TEX10: variants seen among roughly 807,000 people sequenced by gnomAD.
TEX10 encodes the protein testis-expressed protein 10.
TEX10 carries 24 observed loss-of-function variants against 104.4 expected under a neutral mutation model. The observed-to-expected ratio is 0.23, with a 90% CI of 0.17 to 0.32. The LOEUF is 0.32. Ranked by LOEUF, TEX10 falls within the 10% of genes least tolerant of loss-of-function variation. TEX10 has a pLI of 1.00. For synonymous variants in TEX10, 396 were observed against 393.4 expected (o/e 1.01, Z -0.08); for missense variants, 921 against 1,083.9 (o/e 0.85, Z 2.11).
At chr9:100,319,134 G>A (rs565562282) in intron 11 of TEX10, among the ~76,000 whole-genome samples, 1 of 152,106 alleles carries the variant, frequency 6.6e-6, no homozygotes, top group Non-Finnish European at 1.5e-5. Flanking sequence ...GGAGGTTGCA[G>A]TGAGCCGAGA....
chr9:100,308,762 G>A (rs566026226), intron 12 of TEX10, 81 bp from the exon 13 acceptor site: 19 of 1,275,388 alleles, frequency 1.5e-5, no homozygotes, highest in South Asian at 1.4e-4. Context: ...GTTAATTCAC[G>A]ATTAACTTTA....
At chr9:100,336,868 T>C (rs1477022712) in intron 5 of TEX10, among the ~76,000 whole-genome samples, 1 of 152,178 alleles carries the variant, frequency 6.6e-6, no homozygotes, top group African/African-American at 2.4e-5. Context: ...GAGTAGCCTG[T>C]AGGCTCCCCA....
At chr9:100,328,772 T>C (rs1208443810) in intron 7 of TEX10, among the ~76,000 whole-genome samples, 2 of 152,310 alleles carry the variant, frequency 1.3e-5, no homozygotes, top group Non-Finnish European at 2.9e-5. Flanking sequence ...CTTTCTCATC[T>C]TCTATTGCCC....
intron 12 of TEX10, 102 bp downstream of exon 12, chr9:100,310,197 T>C: frequency 1.1e-6 from 1 of 914,254 alleles, no homozygotes; most frequent in East Asian, 2.6e-5. Context: ...ATATCATTAA[T>C]CTTAGAATTC....
intron 11 of TEX10, among the ~76,000 whole-genome samples, chr9:100,312,858 T>G (rs759055823): frequency 3.9e-5 from 6 of 152,112 alleles, no homozygotes; most frequent in Non-Finnish European, 7.4e-5. Context: ...CCAGGCACTA[T>G]GGGTAATAAA....
chr9:100,329,004 T>C, intron 7 of TEX10, 136 bp downstream of exon 7: 1 of 997,828 alleles, frequency 1.0e-6, no homozygotes, highest in Non-Finnish European at 1.4e-6. Flanking sequence ...TTTTATACCA[T>C]TTCTTAAATG....
Position 100,303,807 on chromosome 9 carries a change from G to C in TEX10, c.2501C>G (p.Ala834Gly). 6.2e-7 allele frequency: 1 copy of C among 1,614,082 alleles called. No individual in the cohort carries two copies. The highest frequency in any genetic ancestry group is 8.5e-7 in the Non-Finnish European group (1 of 1,180,026). The change falls in exon 14 of 15, where the codon GCT (alanine) becomes GGT (glycine). Residue 834 changes from alanine to glycine, a missense_variant. This residue lies in a region of TEX10 where 753 missense variants were observed against 868.4 expected (regional missense o/e 0.87). Transcript: ENST00000374902. ...CAACCTGAGGACTCGAGGCAAGAGA[G>C]CCAGGATGGAGACACAGACCCCCCA... ...KLWGVCVSIL[A>G]LLPRVLRLML... is the part of the protein sequence containing the mutation.
At chr9:100,338,283 A>G (rs914670683) in intron 5 of TEX10, among the ~76,000 whole-genome samples, 1 of 152,182 alleles carries the variant, frequency 6.6e-6, no homozygotes, top group Non-Finnish European at 1.5e-5. Flanking sequence ...TCCAGTTTGT[A>G]GTTTTTCTGA....
In TEX10 at chr9:100,347,342, T is replaced by G. The variant is rs1587745072; in HGVS notation, c.245A>C (p.Lys82Thr). 1.2e-6 allele frequency: 2 copies of G among 1,613,534 alleles called. No individual in the cohort carries two copies. The highest frequency in any genetic ancestry group is 1.7e-5 in the Admixed American group (1 of 59,892). ...AAATGGGTATTGAGACAAAAGGTCTTTAAGTCCAAGAAGAGCACTTTGTTT... is the reference window on the plus strand; with the variant it reads ...AAATGGGTATTGAGACAAAAGGTCTGTAAGTCCAAGAAGAGCACTTTGTTT... ...GVKQSALLGL[K>T]DLLSQYPFII... is the part of the protein sequence containing the mutation. Residue 82 changes from lysine (K) to threonine (T), a missense_variant, in exon 3 of 15, where the codon AAA becomes ACA. Lys to Thr is a moderately conservative substitution (Grantham distance 78, BLOSUM62 -1). This residue lies in a region of TEX10 where 118 missense variants were observed against 111.3 expected (regional missense o/e 1.06). Coordinates refer to ENST00000374902, the MANE Select transcript of TEX10 (RefSeq NM_017746.4).
chr9:100,331,507 A>G (rs758304294), intron 5 of TEX10, among the ~76,000 whole-genome samples: 5 of 152,234 alleles, frequency 3.3e-5, no homozygotes, highest in Non-Finnish European at 7.3e-5. Flanking sequence ...ATTTTAAAGG[A>G]AAAGATTAAT....
intron 11 of TEX10, among the ~76,000 whole-genome samples, chr9:100,319,039 A>T (rs1322068504): frequency 1.3e-5 from 2 of 152,130 alleles, no homozygotes; most frequent in African/African-American, 4.8e-5. Flanking sequence ...AAAATACAAA[A>T]AAATTAGCCA....
intron 1 of TEX10, 200 bp downstream of exon 1, chr9:100,352,572 C>A: frequency 2.0e-6 from 3 of 1,530,540 alleles, no homozygotes; most frequent in South Asian, 1.2e-5. Context: ...GCTCCGCAAA[C>A]GCCCTAGGGG....
chr9:100,343,359 A>G (rs916731113), intron 4 of TEX10, among the ~76,000 whole-genome samples: 9 of 151,482 alleles, frequency 5.9e-5, no homozygotes, highest in Admixed American at 2.0e-4. Flanking sequence ...GAAAGAAAGA[A>G]AAGAAAAATA....
rs1834003067 is a variant in TEX10 at position 100,302,287 on chromosome 9, A to ACTT, written c.2691_2693dup (p.Gly897_Ser898insArg). ...AGTCTGTGAGCCACTGTTCCTGAACACTTCCACTCTTCAATGTCTGGAGAG... is the reference window on the plus strand; with the variant it reads ...AGTCTGTGAGCCACTGTTCCTGAACACTTCTTCCACTCTTCAATGTCTGGAGAG... On this transcript the variant is annotated inframe_insertion, in exon 15 of 15. Coordinates refer to ENST00000374902, the MANE Select transcript of TEX10 (RefSeq NM_017746.4). The ACTT allele has an allele frequency of 6.2e-7, 1 of 1,612,746 alleles. No individual in the cohort carries two copies.
intron 1 of TEX10, among the ~76,000 whole-genome samples, chr9:100,350,511 T>C (rs1427346989): frequency 1.3e-5 from 2 of 152,220 alleles, no homozygotes; most frequent in African/African-American, 4.8e-5. Context: ...TAGCCTCTTC[T>C]ACCTGGAACC....
At chr9:100,340,606 G>A (rs944719300) in intron 4 of TEX10, among the ~76,000 whole-genome samples, 15 of 152,184 alleles carry the variant, frequency 9.9e-5, no homozygotes, top group Non-Finnish European at 1.6e-4. Flanking sequence ...TGCTGCTTAA[G>A]AGAGAAAAAG....
At chr9:100,310,681 A>T (rs529874817) in intron 11 of TEX10, among the ~76,000 whole-genome samples, 1 of 152,164 alleles carries the variant, frequency 6.6e-6, no homozygotes, top group South Asian at 2.1e-4. Flanking sequence ...CAAGCAACCC[A>T]CCTACCTCAA....
chr9:100,326,401 C>G lies in TEX10; in HGVS notation c.1880G>C (p.Ser627Thr), dbSNP rs953514358. The change falls in exon 9 of 15, where the codon AGT becomes ACT. Residue 627 changes from serine to threonine, a missense_variant. Transcript: ENST00000374902. ...RLVQLVYFLP[S>T]LPADLLSRLS... ...CCGAGAAAGCAAATCAGCCGGCAGA[C>G]TGGGTAGGAAATATACAAGCTGAAC... is the stretch of plus-strand genomic sequence containing the variant. 3 of 1,613,790 alleles carry G rather than the reference C, an allele frequency of 1.9e-6. No individual in the cohort carries two copies. The Admixed American group carries it at 5.0e-5, about 27-fold the overall frequency.
Position 100,346,937 on chromosome 9 carries a change from C to G in TEX10, c.650G>C (p.Arg217Thr), listed in dbSNP as rs1361420767. 6.2e-7 allele frequency: 1 copy of G among 1,614,186 alleles called. No individual in the cohort carries two copies. Among genetic ancestry groups the G allele is most frequent in the South Asian group, 1.1e-5 (1 of 91,080 alleles). ...CAGCCTCCATTGCTGAGAAGTGAGT[C>G]TCCGATTAGGATTTACAGAAAGTAT... ...SWILSVNPNR[R>T]LTSQQWRLKV... Residue 217 changes from arginine (R) to threonine (T), a missense_variant, in exon 3 of 15, where the codon AGA becomes ACA. Physicochemically the swap from Arg to Thr is moderately conservative, Grantham distance 71. This residue lies in a region of TEX10 where 753 missense variants were observed against 868.4 expected (regional missense o/e 0.87). Transcript: ENST00000374902.
Sources: gnomAD v4.1 joint callset for allele counts (sites outside exome capture counted in the v4.1 genomes callset) on GRCh38, gnomAD v4.1.1 for gene constraint, gnomAD v4.1.1 regional missense constraint, MANE v1.5 for transcripts, NCBI Gene and HGNC (gene_info 2026-07-23, HGNC 2026-07-21) for gene names.